The following UHMK1 variants were observed in gnomAD, a reference collection of about 807,000 sequenced individuals.
UHMK1 encodes serine/threonine-protein kinase Kist.
UHMK1 carries 18 observed loss-of-function variants against 44.0 expected under a neutral mutation model. The ratio of observed to expected loss-of-function variants is 0.41; its 90% CI spans 0.28 to 0.61. UHMK1 has a LOEUF of 0.61. Ranked by LOEUF, UHMK1 falls within the 20% of genes least tolerant of loss-of-function variation. The pLI is 0.31. For synonymous variants in UHMK1, 231 were observed against 198.5 expected, an observed-to-expected ratio of 1.16 and a Z score of -1.38; for missense variants, 463 against 522.5, an observed-to-expected ratio of 0.89 and a Z score of 1.11.
upstream of UHMK1, chr1:162,497,715 T>C (rs932855478): frequency 1.8e-6 from 2 of 1,100,800 alleles, no homozygotes; most frequent in East Asian, 3.3e-5. Context: ...TTCTCGGTTC[T>C]TTTTTCCAAA....
In UHMK1 at chr1:162,507,156, G is replaced by A. The variant is rs111818273; in HGVS notation, c.848+3308G>A. 6.5e-3 allele frequency among the ~76,000 whole-genome samples: 966 copies of A among 147,526 alleles called. 6 individuals are homozygous for A. The highest frequency in any genetic ancestry group is 0.022 in the African/African-American group (889 of 39,868). ...TTTTTTTGAGACGGAGTTTTTGCTC[G>A]TTGCCCAGGTTGGAGTACAGTGGCA... On this transcript the variant is annotated intron_variant, in intron 4 of 7. Coordinates refer to ENST00000489294, the MANE Select transcript of UHMK1 (RefSeq NM_175866.5).
chr1:162,510,872 A>G (rs954049232), intron 4 of UHMK1, among the ~76,000 whole-genome samples: 2 of 151,952 alleles, frequency 1.3e-5, no homozygotes, highest in Non-Finnish European at 2.9e-5. Flanking sequence ...ATTTTTTTTA[A>G]GGGGCCTCCA....
At chr1:162,497,762 C>CGG, upstream of UHMK1, 1 of 1,270,556 alleles carries the variant, frequency 7.9e-7, no homozygotes, top group Non-Finnish European at 1.0e-6. Context: ...CCCGCCCCTT[C>CGG]TGAGCCCCCC....
Position 162,514,254 on chromosome 1 carries a change from A to G in UHMK1, c.1024+1431A>G, listed in dbSNP as rs564197260. On this transcript the variant is annotated intron_variant, in intron 6 of 7. Transcript: ENST00000489294. ...CAGTGACCCGAGATTGCACCACTGC[A>G]CTCCAGCCTGGGCAACAGAGTGAGA... 6.6e-5 allele frequency among the ~76,000 whole-genome samples: 10 copies of G among 151,312 alleles called. No homozygotes were observed. The East Asian group carries it at 1.9e-3, about 29-fold the overall frequency.
Position 162,522,676 on chromosome 1 carries a change from T to C in UHMK1, c.*126T>C. On this transcript the variant is annotated 3_prime_UTR_variant, in exon 8 of 8. Transcript: ENST00000489294. The stretch of plus-strand genomic sequence containing the variant: ...TTATACATTTATTTAATCCTACTAA[T>C]GTGCAGCCATTGCCCAAGCAGTGAC... 9.1e-7 allele frequency: 1 copy of C among 1,101,144 alleles called. No homozygotes were observed. 68.2% of individuals were successfully genotyped at this position (1,101,144 alleles called of 1,614,324 possible).
chr1:162,519,053 A>G (rs918704550), intron 7 of UHMK1, among the ~76,000 whole-genome samples: 1 of 151,242 alleles, frequency 6.6e-6, no homozygotes, highest in Non-Finnish European at 1.5e-5. Flanking sequence ...GAGGTGGCTC[A>G]TGCATGTAAT....
chr1:162,501,212 C>T, intron 3 of UHMK1, 108 bp downstream of exon 3: 4 of 1,154,792 alleles, frequency 3.5e-6, no homozygotes, highest in Non-Finnish European at 4.8e-6. Context: ...CTCTTTCACC[C>T]AGGCTGGAGT....
intron 1 of UHMK1, among the ~76,000 whole-genome samples, chr1:162,498,556 G>C (rs1190803174): frequency 6.6e-6 from 1 of 152,234 alleles, no homozygotes; most frequent in East Asian, 1.9e-4. Flanking sequence ...ATCTTTTCTA[G>C]TGAGAGGAGG....
intron 7 of UHMK1, among the ~76,000 whole-genome samples, chr1:162,518,887 G>C (rs955502957): frequency 6.6e-6 from 1 of 151,716 alleles, no homozygotes; most frequent in African/African-American, 2.4e-5. Context: ...ACTTGGAGGG[G>C]CTGAGGCAGG....
chr1:162,504,258 G>C (rs1010187274), intron 4 of UHMK1, among the ~76,000 whole-genome samples: 1 of 152,112 alleles, frequency 6.6e-6, no homozygotes, highest in Non-Finnish European at 1.5e-5. Context: ...TCTTGACAAC[G>C]GTCTGGGGAC....
intron 4 of UHMK1, 39 bp from the exon 5 acceptor site, chr1:162,512,461 T>C: frequency 6.5e-7 from 1 of 1,547,524 alleles, no homozygotes; most frequent in Non-Finnish European, 8.8e-7. Flanking sequence ...TTTCAAAAGA[T>C]TCAGCAGAAA....
chr1:162,508,348 G>C (rs1019270821), intron 4 of UHMK1, among the ~76,000 whole-genome samples: 1 of 151,354 alleles, frequency 6.6e-6, no homozygotes, highest in Non-Finnish European at 1.5e-5. Flanking sequence ...CTGACCTCAA[G>C]TGATCTGCTT....
At position 162,500,054 on chromosome 1, in the gene UHMK1, T is replaced by C. The variant is rs754849277; in HGVS notation, c.368T>C (p.Leu123Ser). ...LLDVSVSELL[L>S]YSSHQGCSMW... ...GATGTCAGTGTTTCGGAATTGCTCT[T>C]ATATTCCAGTCACCAGGGTTGTTCC... The change falls in exon 2 of 8, where the codon TTA (leucine) becomes TCA (serine). Residue 123 changes from leucine (L) to serine (S), a missense_variant. Leu to Ser is a moderately radical substitution (Grantham distance 145). This residue lies in a region of UHMK1 where 191 missense variants were observed against 176.0 expected (regional missense o/e 1.09). Transcript: ENST00000489294. The C allele has an allele frequency of 1.2e-6, 2 of 1,614,230 alleles. No individual in the cohort carries two copies. The highest frequency in any genetic ancestry group is 2.2e-5 in the South Asian group (2 of 91,084).
chr1:162,509,079 A>G (rs908151562), intron 4 of UHMK1, among the ~76,000 whole-genome samples: 6 of 152,108 alleles, frequency 3.9e-5, no homozygotes, highest in South Asian at 2.1e-4. Context: ...GCCACCACGC[A>G]CAGTCAGTTA....
intron 2 of UHMK1, 46 bp downstream of exon 2, chr1:162,500,293 G>A (rs1651221318): frequency 6.4e-7 from 1 of 1,561,846 alleles, no homozygotes; most frequent in Admixed American, 1.9e-5. Flanking sequence ...AAATGTAGTG[G>A]TTGAAGCCAA....
chr1:162,518,219 T>G (rs372057048), intron 7 of UHMK1, 29 bp downstream of exon 7: 117 of 1,473,592 alleles, frequency 7.9e-5, no homozygotes, highest in Non-Finnish European at 1.0e-4. Flanking sequence ...AATTGCAGAT[T>G]ACTCAGAGGT....
chr1:162,497,752 C>T, upstream of UHMK1: 1 of 1,258,670 alleles, frequency 7.9e-7, no homozygotes, highest in South Asian at 2.3e-5. Context: ...TCTTCTAGGC[C>T]CCGCCCCTTC....
chr1:162,497,709 C>G, upstream of UHMK1: 2 of 1,008,860 alleles, frequency 2.0e-6, no homozygotes, highest in Non-Finnish European at 1.3e-6. Flanking sequence ...TTCTTATTCT[C>G]GGTTCTTTTT....
chr1:162,518,091 TTAA>T lies in UHMK1; in HGVS notation c.1025-6_1025-4del, dbSNP rs1405346968. 5.0e-6 allele frequency: 8 copies of T among 1,586,256 alleles called. No individual in the cohort carries two copies. Among genetic ancestry groups the T allele is most frequent in the Admixed American group, 5.0e-5 (3 of 59,778 alleles). ...ATCAGAGCAGTTACTGTTATGTGTT[TTAA>T]TAATCAGATGTTGTAGAAGATGTAA... On this transcript the variant is annotated splice_polypyrimidine_tract_variant and splice_region_variant and intron_variant, in intron 6 of 7. Coordinates refer to ENST00000489294, the MANE Select transcript of UHMK1 (RefSeq NM_175866.5).
Sources: gnomAD v4.1 joint callset for allele counts (sites outside exome capture counted in the v4.1 genomes callset) on GRCh38, gnomAD v4.1.1 for gene constraint, gnomAD v4.1.1 regional missense constraint, MANE v1.5 for transcripts, NCBI Gene and HGNC (gene_info 2026-07-23, HGNC 2026-07-21) for gene names.